Variants in TMEM132D observed in about 807,000 individuals in gnomAD.
The protein encoded by TMEM132D is mature OL transmembrane protein.
Under a neutral mutation model 62.3 loss-of-function variants are expected in TMEM132D, and 21 were observed. That is an observed-to-expected ratio of 0.34 (90% confidence interval 0.24 to 0.49). The LOEUF is 0.49. Among genes scored for constraint, TMEM132D ranks in the 20% least tolerant of loss-of-function variants. The probability of loss-of-function intolerance (pLI) is 0.99; values close to 1 mark genes in which losing one functional copy is unlikely to be tolerated. For missense variants in TMEM132D, 1,346 were observed against 1,402.8 expected (o/e 0.96, Z 0.65); for synonymous variants, 621 against 575.6 (o/e 1.08, Z -1.13).
chr12:129,107,516 C>T (rs1875539554), intron 5 of TMEM132D, among the ~76,000 whole-genome samples: 1 of 152,204 alleles, frequency 6.6e-6, no homozygotes. Flanking sequence ...CTGCTGAAGA[C>T]ATTTTCCAGT....
At chr12:129,465,131 T>A (rs995517066) in intron 3 of TMEM132D, among the ~76,000 whole-genome samples, 1 of 152,212 alleles carries the variant, frequency 6.6e-6, no homozygotes, top group Non-Finnish European at 1.5e-5. Flanking sequence ...TTTGTTTGTA[T>A]CCTCTTTTAT....
intron 2 of TMEM132D, among the ~76,000 whole-genome samples, chr12:129,646,390 C>G (rs1480679150): frequency 3.3e-5 from 5 of 152,172 alleles, no homozygotes; most frequent in Admixed American, 2.0e-4. Flanking sequence ...CCTAACCTTT[C>G]TGCTACTCGG....
intron 4 of TMEM132D, among the ~76,000 whole-genome samples, chr12:129,320,876 A>T (rs1479241927): frequency 6.6e-6 from 1 of 152,208 alleles, no homozygotes; most frequent in Non-Finnish European, 1.5e-5. Context: ...TGGGTTGGAT[A>T]TAAGGACATG....
intron 3 of TMEM132D, among the ~76,000 whole-genome samples, chr12:129,410,770 G>GTACATGTGCATACAT (rs938889840): frequency 6.6e-6 from 1 of 152,136 alleles, no homozygotes; most frequent in African/African-American, 2.4e-5. Context: ...AAGTTCAGGA[G>GTACATGTGCATACAT]TACATGTGCA....
chr12:129,677,395 T>C (rs1159962468), intron 2 of TMEM132D, among the ~76,000 whole-genome samples: 2 of 152,206 alleles, frequency 1.3e-5, no homozygotes, highest in Non-Finnish European at 2.9e-5. Context: ...CATGTGGAAC[T>C]GGGAGTCCAA....
At chr12:129,123,271 T>A (rs1299699564) in intron 5 of TMEM132D, among the ~76,000 whole-genome samples, 1 of 152,198 alleles carries the variant, frequency 6.6e-6, no homozygotes, top group Non-Finnish European at 1.5e-5. Flanking sequence ...TGTGTTATAT[T>A]TTATATATTT....
At chr12:129,886,539 T>C (rs1297055898) in intron 1 of TMEM132D, among the ~76,000 whole-genome samples, 2 of 152,188 alleles carry the variant, frequency 1.3e-5, no homozygotes, top group African/African-American at 4.8e-5. Context: ...ATTCATATAA[T>C]GTAGTTTAAA....
intron 2 of TMEM132D, among the ~76,000 whole-genome samples, chr12:129,594,025 T>C (rs1379870395): frequency 6.6e-6 from 1 of 152,178 alleles, no homozygotes; most frequent in Non-Finnish European, 1.5e-5. Context: ...TTCCAAGGCA[T>C]GCCAACAGAA....
At chr12:129,391,116 T>C (rs1356718721) in intron 3 of TMEM132D, among the ~76,000 whole-genome samples, 1 of 152,210 alleles carries the variant, frequency 6.6e-6, no homozygotes, top group East Asian at 1.9e-4. Context: ...TCATTCCCAA[T>C]CTTTTGTCGT....
At chr12:129,786,751 C>A (rs1871258159) in intron 1 of TMEM132D, among the ~76,000 whole-genome samples, 1 of 152,156 alleles carries the variant, frequency 6.6e-6, no homozygotes, top group South Asian at 2.1e-4. Flanking sequence ...ATTGGCTGAG[C>A]TTGGTGGTAC....
At chr12:129,651,383 T>C (rs1191949646) in intron 2 of TMEM132D, among the ~76,000 whole-genome samples, 2 of 152,186 alleles carry the variant, frequency 1.3e-5, no homozygotes, top group African/African-American at 4.8e-5. Flanking sequence ...CTTGGTTCAT[T>C]TAGGCAAATG....
chr12:129,377,380 G>A (rs1014271411), intron 3 of TMEM132D, among the ~76,000 whole-genome samples: 1 of 152,166 alleles, frequency 6.6e-6, no homozygotes, highest in Non-Finnish European at 1.5e-5. Context: ...GGCTTCTTTG[G>A]GGTTTGGGCA....
chr12:129,719,724 C>T (rs1277996738), intron 1 of TMEM132D, among the ~76,000 whole-genome samples: 2 of 152,324 alleles, frequency 1.3e-5, no homozygotes, highest in East Asian at 3.9e-4. Context: ...CCTTCAGCTC[C>T]GCAGTGAAGC....
intron 3 of TMEM132D, among the ~76,000 whole-genome samples, chr12:129,481,569 T>G (rs778851824): frequency 2.0e-5 from 3 of 152,090 alleles, no homozygotes; most frequent in Non-Finnish European, 4.4e-5. Flanking sequence ...CAACACATAC[T>G]TGAAAAGATT....
At chr12:129,693,069 G>T (rs2137218358) in intron 2 of TMEM132D, among the ~76,000 whole-genome samples, 1 of 152,258 alleles carries the variant, frequency 6.6e-6, no homozygotes, top group Non-Finnish European at 1.5e-5. Flanking sequence ...AGCAAACTAA[G>T]AAGGAAAGAG....
intron 3 of TMEM132D, among the ~76,000 whole-genome samples, chr12:129,423,428 C>T (rs917287799): frequency 6.6e-6 from 1 of 152,172 alleles, no homozygotes; most frequent in Admixed American, 6.5e-5. Flanking sequence ...GCAACACGCT[C>T]ACTGGGGATC....
chr12:129,771,779 C>G (rs10744432), intron 1 of TMEM132D, among the ~76,000 whole-genome samples: 2 of 152,090 alleles, frequency 1.3e-5, no homozygotes, highest in Non-Finnish European at 2.9e-5. Context: ...TCTCTGATGA[C>G]GAGAATTCAG....
rs537378151 is a variant in TMEM132D at position 129,319,109 on chromosome 12, T to C, written c.1299+18525A>G. Among the ~76,000 whole-genome samples the C allele has an allele frequency of 4.2e-4, 64 of 152,296 alleles. 1 individual carries two copies. The South Asian group carries it at 0.013, about 31-fold the overall frequency. The stretch of plus-strand genomic sequence containing the variant: ...GAAGTCTGCAAGCCCTCTCCCGAGT[T>C]CTGGCCAGGAGGCTTCTCGCCCCAT... On this transcript the variant is annotated intron_variant, in intron 4 of 8. Transcript: ENST00000422113.
At chr12:129,572,534 C>T (rs917567667) in intron 2 of TMEM132D, among the ~76,000 whole-genome samples, 6 of 152,142 alleles carry the variant, frequency 3.9e-5, no homozygotes, top group Non-Finnish European at 7.4e-5. Flanking sequence ...CTGCAACCTC[C>T]GCCTCCTGGG....
Sources: allele counts gnomAD v4.1 joint callset (sites outside exome capture counted in the v4.1 genomes callset), GRCh38; gene constraint gnomAD v4.1.1; transcripts MANE v1.5; gene names NCBI Gene and HGNC (gene_info 2026-07-23, HGNC 2026-07-21).